Variants in OLA1 observed in about 807,000 individuals in gnomAD.
The protein encoded by OLA1 is obg-like ATPase 1.
In OLA1, 14 loss-of-function variants were observed where a neutral mutation model predicts 48.4. That is an observed-to-expected ratio of 0.29 (90% CI 0.19 to 0.45). OLA1 has a LOEUF of 0.45. Among genes scored for constraint, OLA1 ranks in the 20% least tolerant of loss-of-function variants. The probability of loss-of-function intolerance (pLI) is 1.00; values close to 1 mark genes in which losing one functional copy is unlikely to be tolerated. For missense variants in OLA1, 325 were observed against 467.1 expected (o/e 0.70, Z 2.80); for synonymous variants, 127 against 150.4 (o/e 0.84, Z 1.14).
At chr2:174,172,255 C>A in intron 4 of OLA1, 1 of 206,520 alleles carries the variant, frequency 4.8e-6, no homozygotes, top group African/African-American at 2.3e-5. Context: ...AGTAAATATG[C>A]AGCCAACTGT....
chr2:174,186,234 G>T (rs1245990355), intron 4 of OLA1, among the ~76,000 whole-genome samples: 1 of 152,160 alleles, frequency 6.6e-6, no homozygotes, highest in African/African-American at 2.4e-5. Flanking sequence ...CTTGTAGGAT[G>T]AAGAAAGCCG....
At chr2:174,082,901 T>C (rs1396865791) in intron 7 of OLA1, among the ~76,000 whole-genome samples, 4 of 152,116 alleles carry the variant, frequency 2.6e-5, no homozygotes, top group Non-Finnish European at 5.9e-5. Flanking sequence ...CCTAACACTT[T>C]CCTAGCTTTT....
At chr2:174,173,644 A>C (rs867616693) in intron 4 of OLA1, among the ~76,000 whole-genome samples, 7 of 152,202 alleles carry the variant, frequency 4.6e-5, no homozygotes, top group Middle Eastern at 3.4e-3. Context: ...GAAAGAAGGA[A>C]ATAATAAAAG....
At chr2:174,166,253 A>G (rs931089865) in intron 4 of OLA1, among the ~76,000 whole-genome samples, 9 of 152,180 alleles carry the variant, frequency 5.9e-5, no homozygotes, top group Admixed American at 4.6e-4. Context: ...ACATACTAAA[A>G]ATAAGCCAAA....
At position 174,194,705 on chromosome 2, in the gene OLA1, A is replaced by T. The variant is rs1475067478; in HGVS notation, c.373+28328T>A. ...TACACTCATTATTTTCTTGTAAAAAAGTTTAATTGAACAGCTAAGTATAAA... is the reference window on the plus strand; with the variant it reads ...TACACTCATTATTTTCTTGTAAAAATGTTTAATTGAACAGCTAAGTATAAA... On this transcript the variant is annotated intron_variant, in intron 4 of 10. Transcript: ENST00000284719. 3.9e-5 allele frequency among the ~76,000 whole-genome samples: 6 copies of T among 152,350 alleles called. No individual in the cohort carries two copies. The South Asian group carries it at 6.2e-4, about 16-fold the overall frequency.
intron 10 of OLA1, among the ~76,000 whole-genome samples, chr2:174,076,157 G>A (rs1684732185): frequency 6.6e-6 from 1 of 152,190 alleles, no homozygotes; most frequent in African/African-American, 2.4e-5. Flanking sequence ...TGCAAAGACA[G>A]ATATTTCTTC....
intron 7 of OLA1, among the ~76,000 whole-genome samples, chr2:174,115,808 AAC>A (rs1685768155): frequency 6.6e-6 from 1 of 152,252 alleles, no homozygotes; most frequent in African/African-American, 2.4e-5. Context: ...CCCTAACTAA[AAC>A]AGTTTCCTCT....
chr2:174,222,061 T>C (rs1225306098), intron 4 of OLA1, among the ~76,000 whole-genome samples: 2 of 152,184 alleles, frequency 1.3e-5, no homozygotes, highest in Non-Finnish European at 2.9e-5. Context: ...ATGAATTATA[T>C]GGTTGGTACA....
intron 4 of OLA1, among the ~76,000 whole-genome samples, chr2:174,203,921 A>C (rs1688048715): frequency 6.6e-6 from 1 of 151,276 alleles, no homozygotes. Context: ...CAGCCTCCCG[A>C]GTAACTGGGA....
intron 4 of OLA1, among the ~76,000 whole-genome samples, chr2:174,216,211 G>A (rs977612182): frequency 6.6e-6 from 1 of 152,098 alleles, no homozygotes; most frequent in Non-Finnish European, 1.5e-5. Context: ...GCTGAGGCAG[G>A]AGGATAACTT....
At chr2:174,091,453 G>C (rs773489967) in intron 7 of OLA1, among the ~76,000 whole-genome samples, 4 of 152,180 alleles carry the variant, frequency 2.6e-5, no homozygotes, top group Middle Eastern at 3.2e-3. Context: ...TGACTCTAAA[G>C]TTCACTGGTT....
intron 7 of OLA1, among the ~76,000 whole-genome samples, chr2:174,097,290 T>G (rs1490011933): frequency 2.0e-5 from 3 of 152,154 alleles, no homozygotes; most frequent in Non-Finnish European, 4.4e-5. Flanking sequence ...AAAATACATT[T>G]AAGCAACTAT....
At chr2:174,243,825 C>CT (rs754417155) in intron 2 of OLA1, among the ~76,000 whole-genome samples, 46 of 152,272 alleles carry the variant, frequency 3.0e-4, no homozygotes, top group Non-Finnish European at 5.1e-4. Flanking sequence ...AAAAGTAAGC[C>CT]TTCCTATTCA....
intron 5 of OLA1, among the ~76,000 whole-genome samples, chr2:174,132,451 T>A (rs922167888): frequency 6.6e-6 from 1 of 152,144 alleles, no homozygotes; most frequent in Non-Finnish European, 1.5e-5. Flanking sequence ...ATCACTGATT[T>A]CACCTTTCCT....
intron 4 of OLA1, among the ~76,000 whole-genome samples, chr2:174,149,888 T>C (rs910352497): frequency 6.6e-6 from 1 of 152,208 alleles, no homozygotes; most frequent in Non-Finnish European, 1.5e-5. Flanking sequence ...AACAAAAATA[T>C]ACTTTGGAAA....
intron 7 of OLA1, among the ~76,000 whole-genome samples, chr2:174,083,051 T>C (rs1013067492): frequency 2.6e-5 from 4 of 152,162 alleles, no homozygotes; most frequent in African/African-American, 9.6e-5. Flanking sequence ...GTTACTATTA[T>C]TAATTTTCCT....
At chr2:174,191,628 A>AT (rs1687780047) in intron 4 of OLA1, among the ~76,000 whole-genome samples, 1 of 151,986 alleles carries the variant, frequency 6.6e-6, no homozygotes, top group Admixed American at 6.6e-5. Flanking sequence ...CTAATTTATT[A>AT]TTTTTTAAAA....
intron 7 of OLA1, among the ~76,000 whole-genome samples, chr2:174,112,167 T>C (rs1432640771): frequency 6.6e-6 from 1 of 152,210 alleles, no homozygotes; most frequent in Admixed American, 6.5e-5. Context: ...AGGCCTTGTC[T>C]ACCTTTCCAG....
chr2:174,104,595 T>C (rs1043392662), intron 7 of OLA1, among the ~76,000 whole-genome samples: 2 of 152,040 alleles, frequency 1.3e-5, no homozygotes, highest in Non-Finnish European at 2.9e-5. Context: ...TATACCAGCA[T>C]AACTACTTAA....
Sources: gnomAD v4.1 joint callset for allele counts (sites outside exome capture counted in the v4.1 genomes callset) on GRCh38, gnomAD v4.1.1 for gene constraint, MANE v1.5 for transcripts, NCBI Gene and HGNC (gene_info 2026-07-23, HGNC 2026-07-21) for gene names.